CCSER1: variants seen among roughly 807,000 people sequenced by gnomAD.
The protein encoded by CCSER1 is serine-rich coiled-coil domain-containing protein 1.
A neutral mutation model predicts 82.0 loss-of-function variants in CCSER1; 41 were observed. The observed-to-expected ratio is 0.50, with a 90% CI of 0.39 to 0.65. CCSER1 has a LOEUF of 0.65. Ranked by LOEUF, CCSER1 falls within the 30% of genes least tolerant of loss-of-function variation. The pLI, the probability that CCSER1 is intolerant of heterozygous loss-of-function variation, is 0.00. For synonymous variants in CCSER1, 414 were observed against 383.9 expected (o/e 1.08, Z -0.92); for missense variants, 1,119 against 1,064.2 (o/e 1.05, Z -0.72).
At chr4:90,410,492 C>T (rs1472623879) in intron 4 of CCSER1, among the ~76,000 whole-genome samples, 1 of 152,244 alleles carries the variant, frequency 6.6e-6, no homozygotes, top group East Asian at 1.9e-4. Context: ...CAAAACCGCT[C>T]AAGTACATGG....
At chr4:90,311,366 T>C (rs572299625) in intron 2 of CCSER1, among the ~76,000 whole-genome samples, 9 of 152,078 alleles carry the variant, frequency 5.9e-5, no homozygotes, top group African/African-American at 2.2e-4. Context: ...TGGAGACTAT[T>C]ACTATGTTGA....
At chr4:90,460,031 T>A (rs1263461909) in intron 4 of CCSER1, among the ~76,000 whole-genome samples, 1 of 151,938 alleles carries the variant, frequency 6.6e-6, no homozygotes, top group East Asian at 1.9e-4. Flanking sequence ...AAAGAACTAT[T>A]CAAAAACTAA....
At chr4:91,186,986 A>G (rs1296477601) in intron 10 of CCSER1, among the ~76,000 whole-genome samples, 2 of 152,132 alleles carry the variant, frequency 1.3e-5, no homozygotes, top group Non-Finnish European at 1.5e-5. Flanking sequence ...CCAGTTTTGG[A>G]GCTAGTTTAT....
chr4:91,566,625 A>G (rs1368771858), intron 10 of CCSER1, among the ~76,000 whole-genome samples: 2 of 152,046 alleles, frequency 1.3e-5, no homozygotes, highest in East Asian at 1.9e-4. Flanking sequence ...GAGAGGATGT[A>G]TATGTCCAGG....
chr4:91,413,945 G>A (rs550273003), intron 10 of CCSER1, among the ~76,000 whole-genome samples: 1 of 152,068 alleles, frequency 6.6e-6, no homozygotes. Flanking sequence ...ACCAAGAAAA[G>A]TGGTCTTTCA....
At chr4:91,082,414 A>G (rs926573481) in intron 9 of CCSER1, among the ~76,000 whole-genome samples, 15 of 152,208 alleles carry the variant, frequency 9.9e-5, no homozygotes, top group African/African-American at 3.4e-4. Context: ...TTAATTCAAG[A>G]TGGATTAAAG....
chr4:90,451,976 G>C (rs1761518321), intron 4 of CCSER1, among the ~76,000 whole-genome samples: 1 of 152,102 alleles, frequency 6.6e-6, no homozygotes, highest in Admixed American at 6.5e-5. Context: ...TGGAGGACTA[G>C]GAAAGCATGC....
intron 10 of CCSER1, among the ~76,000 whole-genome samples, chr4:91,098,379 T>C: frequency 6.6e-6 from 1 of 152,188 alleles, no homozygotes; most frequent in East Asian, 1.9e-4. Flanking sequence ...ACCTGCAACA[T>C]TAGCACAAGA....
At chr4:90,562,371 C>T (rs554425490) in intron 5 of CCSER1, among the ~76,000 whole-genome samples, 2 of 152,030 alleles carry the variant, frequency 1.3e-5, no homozygotes, top group South Asian at 2.1e-4. Context: ...TTCCAATAAA[C>T]GTCTGATTCT....
intron 6 of CCSER1, among the ~76,000 whole-genome samples, chr4:90,639,346 G>A (rs1726060981): frequency 6.6e-6 from 1 of 151,434 alleles, no homozygotes; most frequent in Non-Finnish European, 1.5e-5. Context: ...TTTAATAAAA[G>A]CCATACTATC....
Position 90,957,500 on chromosome 4 carries a change from A to T in CCSER1, c.2172+34053A>T, listed in dbSNP as rs956517055. The stretch of plus-strand genomic sequence containing the variant: ...ATTTATATTATAATATTATTATATA[A>T]TATTATATAATATAACATAATATCA... On this transcript the variant is annotated intron_variant, in intron 9 of 10. Transcript: ENST00000509176. Among the ~76,000 whole-genome samples the T allele has an allele frequency of 1.6e-3, 203 of 124,744 alleles. 2 individuals are homozygous for T. Among genetic ancestry groups the T allele is most frequent in the African/African-American group, 5.6e-3 (193 of 34,732 alleles). The allele number at this position is 124,744 out of a possible 152,430, so 81.8% of individuals were successfully genotyped here. A position where few individuals can be genotyped will look rare whatever the true frequency, so the allele number is the denominator to read the frequency against.
intron 1 of CCSER1, among the ~76,000 whole-genome samples, chr4:90,179,698 C>T (rs1041985681): frequency 3.3e-5 from 5 of 152,192 alleles, no homozygotes; most frequent in Non-Finnish European, 7.4e-5. Context: ...ACAGTTTCCT[C>T]GAGTGGTTCT....
At chr4:91,476,512 A>G (rs1757606497) in intron 10 of CCSER1, among the ~76,000 whole-genome samples, 1 of 151,786 alleles carries the variant, frequency 6.6e-6, no homozygotes, top group Non-Finnish European at 1.5e-5. Context: ...CAAAAATACC[A>G]ATGACATTCT....
chr4:90,556,356 A>G (rs1778139520), intron 5 of CCSER1, among the ~76,000 whole-genome samples: 1 of 152,122 alleles, frequency 6.6e-6, no homozygotes, highest in Admixed American at 6.5e-5. Flanking sequence ...ACCAATGCAA[A>G]TATGAATTGT....
At chr4:91,541,448 A>G (rs139311212) in intron 10 of CCSER1, among the ~76,000 whole-genome samples, 3,393 of 152,162 alleles carry the variant, frequency 0.022, 107 homozygotes, top group African/African-American at 0.075. Flanking sequence ...CTCATGTTCA[A>G]TTCCCACCTA....
intron 10 of CCSER1, among the ~76,000 whole-genome samples, chr4:91,302,187 A>G (rs1051589715): frequency 6.6e-6 from 1 of 151,992 alleles, no homozygotes; most frequent in African/African-American, 2.4e-5. Context: ...AGATGCAATC[A>G]TCTAAAATGC....
chr4:91,573,579 A>C (rs1249965005), intron 10 of CCSER1, among the ~76,000 whole-genome samples: 3 of 152,218 alleles, frequency 2.0e-5, no homozygotes, highest in Non-Finnish European at 2.9e-5. Flanking sequence ...CCATAGGAGA[A>C]GTGTAGTTCC....
chr4:91,190,527 A>T (rs1221913304), intron 10 of CCSER1, among the ~76,000 whole-genome samples: 1 of 151,846 alleles, frequency 6.6e-6, no homozygotes, highest in East Asian at 1.9e-4. Context: ...GAACTTAAGA[A>T]TTTTTTTTTC....
intron 10 of CCSER1, among the ~76,000 whole-genome samples, chr4:91,483,535 A>G (rs1182097590): frequency 6.6e-6 from 1 of 151,788 alleles, no homozygotes; most frequent in African/African-American, 2.4e-5. Context: ...TCCTGAGTTC[A>G]AGTGATTCTC....
Sources: gnomAD v4.1 joint callset for allele counts (sites outside exome capture counted in the v4.1 genomes callset) on GRCh38, gnomAD v4.1.1 for gene constraint, MANE v1.5 for transcripts, NCBI Gene and HGNC (gene_info 2026-07-23, HGNC 2026-07-21) for gene names.